The following CPVL variants were observed in gnomAD, a reference collection of about 807,000 sequenced individuals.
CPVL encodes probable serine carboxypeptidase CPVL.
In CPVL, 51 loss-of-function variants were observed where a neutral mutation model predicts 63.7. That is an observed-to-expected ratio of 0.80 (90% CI 0.64 to 1.01). The LOEUF (loss-of-function observed/expected upper bound fraction) is 1.01. Ranked by LOEUF, CPVL falls within the 50% of genes least tolerant of loss-of-function variation. The probability of loss-of-function intolerance (pLI) is 0.00; values close to 1 mark genes in which losing one functional copy is unlikely to be tolerated. For missense variants in CPVL, 530 were observed against 573.1 expected (o/e 0.92, Z 0.77); for synonymous variants, 195 against 206.0 (o/e 0.95, Z 0.46).
At chr7:29,009,216 G>C (rs1227231522) in intron 12 of CPVL, 2 of 140,622 alleles carry the variant, frequency 1.4e-5, no homozygotes, top group African/African-American at 5.2e-5. Context: ...AAAGACAGGA[G>C]ACAGCTATGG....
At chr7:29,171,488 A>G (rs1796596449) in intron 5 of CPVL, among the ~76,000 whole-genome samples, 1 of 152,204 alleles carries the variant, frequency 6.6e-6, no homozygotes, top group Admixed American at 6.5e-5. Flanking sequence ...CCAGACGGAG[A>G]GGATTCTACC....
chr7:29,039,761 C>A (rs7781007), intron 11 of CPVL, among the ~76,000 whole-genome samples: 16,593 of 152,042 alleles, frequency 0.11, 2,772 homozygotes, highest in African/African-American at 0.36. Context: ...TACAGAAATA[C>A]CAGAGAAGGA....
At chr7:29,022,777 G>A (rs1787133607) in intron 12 of CPVL, among the ~76,000 whole-genome samples, 1 of 152,228 alleles carries the variant, frequency 6.6e-6, no homozygotes, top group Non-Finnish European at 1.5e-5. Context: ...CAGTGCCTGT[G>A]GGCATTGTCC....
intron 11 of CPVL, among the ~76,000 whole-genome samples, chr7:29,040,959 T>G (rs1789018803): frequency 6.6e-6 from 1 of 152,006 alleles, no homozygotes; most frequent in African/African-American, 2.4e-5. Flanking sequence ...TAAACGACTT[T>G]TAAGAATGAT....
intron 7 of CPVL, among the ~76,000 whole-genome samples, chr7:29,084,744 TA>T (rs530343998): frequency 9.8e-5 from 15 of 152,324 alleles, no homozygotes; most frequent in Admixed American, 7.2e-4. Context: ...TAATCTCCCT[TA>T]AAAAATAGAA....
intron 1 of CPVL, among the ~76,000 whole-genome samples, chr7:29,133,158 C>A (rs1790864487): frequency 6.6e-6 from 1 of 151,330 alleles, no homozygotes; most frequent in African/African-American, 2.4e-5. Flanking sequence ...CACTGAATAC[C>A]CTCTATTATT....
chr7:29,164,606 C>A (rs1795648312), intron 5 of CPVL, among the ~76,000 whole-genome samples: 1 of 151,778 alleles, frequency 6.6e-6, no homozygotes, highest in Non-Finnish European at 1.5e-5. Context: ...CATGGCAAAA[C>A]CCCATCTCTA....
intron 7 of CPVL, among the ~76,000 whole-genome samples, chr7:29,079,810 A>G (rs17676300): frequency 0.11 from 16,079 of 152,138 alleles, 1,069 homozygotes; most frequent in Middle Eastern, 0.15. Context: ...AAATTACCCT[A>G]TTACAAATAT....
intron 10 of CPVL, among the ~76,000 whole-genome samples, chr7:29,065,244 C>T (rs192758387): frequency 5.3e-5 from 8 of 152,284 alleles, no homozygotes; most frequent in Admixed American, 1.3e-4. Context: ...AAGGTATCAT[C>T]ACAAATTTTG....
At chr7:29,016,425 G>A (rs2128139308) in intron 12 of CPVL, among the ~76,000 whole-genome samples, 1 of 152,106 alleles carries the variant, frequency 6.6e-6, no homozygotes, top group African/African-American at 2.4e-5. Context: ...GTTTAAACCA[G>A]GTTTGTCTAA....
chr7:29,155,843 A>G (rs962388215), intron 5 of CPVL, among the ~76,000 whole-genome samples: 25 of 152,036 alleles, frequency 1.6e-4, no homozygotes, highest in African/African-American at 6.0e-4. Context: ...AAAGGCGAGG[A>G]CATTTCTAAA....
At chr7:29,095,244 C>T in intron 4 of CPVL, 102 bp from the exon 5 acceptor site, 1 of 919,446 alleles carries the variant, frequency 1.1e-6, no homozygotes, top group Non-Finnish European at 1.8e-6. Flanking sequence ...TCCTCATGAG[C>T]TGTTGGCGTA....
intron 5 of CPVL, among the ~76,000 whole-genome samples, chr7:29,174,560 A>G (rs551610768): frequency 7.6e-4 from 116 of 152,206 alleles, no homozygotes; most frequent in Non-Finnish European, 1.4e-3. Flanking sequence ...ACCCAACACA[A>G]TGATTAAACA....
At position 29,071,794 on chromosome 7, in the gene CPVL, C is replaced by G. The variant is rs1487305020; in HGVS notation, c.843G>C (p.Gln281His). The G allele has an allele frequency of 6.2e-6, 9 of 1,456,822 alleles. No homozygotes were observed. Among genetic ancestry groups the G allele is most frequent in the East Asian group, 3.2e-5 (1 of 31,112 alleles). 90.2% of individuals were successfully genotyped at this position (1,456,822 alleles called of 1,614,324 possible). A position where few individuals can be genotyped will look rare whatever the true frequency, so the allele number is the denominator to read the frequency against. Residue 281 changes from glutamine (Q) to histidine (H), a missense_variant, in exon 9 of 13, where the codon CAG becomes CAC. Gln to His is a conservative substitution (Grantham distance 24, BLOSUM62 0). Transcript: ENST00000265394. ...TCACTTCAAAGGCCTCAAACCAGTT[C>G]TGCTTCCTGATGTGTTCTATGCATT... ...CHECIEHIRK[Q>H]NWFEAFEILD...
At chr7:29,146,673 TGCTGGAAGAA>T (rs1177517848), upstream of CPVL, 47 of 1,550,526 alleles carry the variant, frequency 3.0e-5, no homozygotes, top group Non-Finnish European at 3.6e-5. Flanking sequence ...GCGCTTCCCA[TGCTGGAAGAA>T]GCAAGCAGCC....
chr7:29,079,910 G>T (rs1257997105), intron 7 of CPVL, among the ~76,000 whole-genome samples: 1 of 152,132 alleles, frequency 6.6e-6, no homozygotes, highest in Non-Finnish European at 1.5e-5. Context: ...TCCTTTCTAT[G>T]GAACAATGAG....
chr7:29,192,115 T>G (rs1454383133), intron 1 of CPVL: 1 of 152,222 alleles, frequency 6.6e-6, no homozygotes, highest in East Asian at 1.9e-4. Flanking sequence ...AAGTTATAGC[T>G]CATATCACAC....
intron 6 of CPVL, among the ~76,000 whole-genome samples, chr7:29,091,120 A>C (rs1562764070): frequency 6.6e-6 from 1 of 152,226 alleles, no homozygotes; most frequent in Non-Finnish European, 1.5e-5. Flanking sequence ...CCCGAAGCAA[A>C]AAGAACTACA....
At chr7:29,086,304 T>A (rs995819468) in intron 7 of CPVL, among the ~76,000 whole-genome samples, 180 bp downstream of exon 7, 4 of 151,454 alleles carry the variant, frequency 2.6e-5, no homozygotes, top group South Asian at 2.1e-4. Context: ...AAAAAAAATA[T>A]ATATATATAT....
Sources: allele counts gnomAD v4.1 joint callset (sites outside exome capture counted in the v4.1 genomes callset), GRCh38; gene constraint gnomAD v4.1.1; transcripts MANE v1.5; gene names NCBI Gene and HGNC (gene_info 2026-07-23, HGNC 2026-07-21).